Variants in HEXB observed in about 807,000 individuals in gnomAD.
HEXB encodes hexosaminidase subunit beta.
Under a neutral mutation model 71.2 loss-of-function variants are expected in HEXB, and 51 were observed. The ratio of observed to expected loss-of-function variants is 0.72; its 90% CI spans 0.57 to 0.90. The LOEUF is 0.90. HEXB is among the 40% of genes least tolerant of loss of function. The pLI, the probability that HEXB is intolerant of heterozygous loss-of-function variation, is 0.00. For missense variants in HEXB, 617 were observed against 677.0 expected (o/e 0.91, Z 0.98); for synonymous variants, 266 against 249.3 (o/e 1.07, Z -0.63).
intron 11 of HEXB, 74 bp from the exon 12 acceptor site, chr5:74,720,354 A>G (rs1749796759): frequency 8.9e-7 from 1 of 1,128,790 alleles, no homozygotes; most frequent in South Asian, 1.2e-5. Context: ...GATGGAGGAA[A>G]CAAATCTTGA....
intron 2 of HEXB, 108 bp from the exon 3 acceptor site, chr5:74,693,531 T>C: frequency 1.2e-6 from 1 of 837,264 alleles, no homozygotes; most frequent in Non-Finnish European, 2.1e-6. Flanking sequence ...GTCATGTGCT[T>C]GGGAGAAAAT....
At chr5:74,656,979 G>C (rs10942715) in intron 1 of HEXB, among the ~76,000 whole-genome samples, 68,923 of 151,896 alleles carry the variant, frequency 0.45, 17,005 homozygotes, top group East Asian at 0.63. Context: ...TTCGTTGGCT[G>C]TGCCCTCTGG....
chr5:74,669,583 C>T (rs1748495794), intron 1 of HEXB, among the ~76,000 whole-genome samples: 1 of 152,186 alleles, frequency 6.6e-6, no homozygotes, highest in South Asian at 2.1e-4. Flanking sequence ...AATTTTTACA[C>T]TGAATAGGAT....
chr5:74,713,703 AC>A, intron 7 of HEXB, 68 bp downstream of exon 7: 1 of 1,363,306 alleles, frequency 7.3e-7, no homozygotes, highest in Non-Finnish European at 1.0e-6. Flanking sequence ...TTGTTCTGTC[AC>A]CCAGGCTGGA....
At position 74,641,676 on chromosome 5, in the gene HEXB, G is replaced by A. The variant is rs1387266943; in HGVS notation, c.-377+1118G>A. Among the ~76,000 whole-genome samples, 2 of 152,228 alleles carry A rather than the reference G, an allele frequency of 1.3e-5. No homozygotes were observed. Among genetic ancestry groups the A allele is most frequent in the East Asian group, 1.9e-4 (1 of 5,202 alleles). ...CACGTTTAATAGTCCCGCGTGTCAGGAGAAGGGAAGGCGATTCGAAAAATA... is the reference window on the plus strand; with the variant it reads ...CACGTTTAATAGTCCCGCGTGTCAGAAGAAGGGAAGGCGATTCGAAAAATA... On this transcript the variant is annotated intron_variant, in intron 1 of 13. Transcript: ENST00000511181. The surrounding 1 kb of genome is among the most constrained non-coding windows in gnomAD (Gnocchi z 4.1).
At chr5:74,700,704 T>A (rs746946743) in intron 5 of HEXB, among the ~76,000 whole-genome samples, 55 of 152,114 alleles carry the variant, frequency 3.6e-4, no homozygotes, top group Admixed American at 1.2e-3. Flanking sequence ...CATTTACATT[T>A]TATTTATTTA....
chr5:74,701,549 A>G (rs1464536516), intron 5 of HEXB, among the ~76,000 whole-genome samples: 1 of 152,142 alleles, frequency 6.6e-6, no homozygotes, highest in African/African-American at 2.4e-5. Context: ...TGAAGTCATA[A>G]TCTTTACTAC....
At chr5:74,691,180 A>G (rs1748995769) in intron 2 of HEXB, among the ~76,000 whole-genome samples, 1 of 152,230 alleles carries the variant, frequency 6.6e-6, no homozygotes. Context: ...TCTTTAAACT[A>G]GTTGATGATG....
At chr5:74,699,418 GTGCC>G (rs928243543) in intron 5 of HEXB, among the ~76,000 whole-genome samples, 3 of 151,864 alleles carry the variant, frequency 2.0e-5, no homozygotes, top group Admixed American at 6.6e-5. Flanking sequence ...GGGATTACAG[GTGCC>G]CACCACCACA....
chr5:74,661,131 G>T (rs1748311757), intron 1 of HEXB, among the ~76,000 whole-genome samples: 1 of 152,192 alleles, frequency 6.6e-6, no homozygotes, highest in Non-Finnish European at 1.5e-5. Context: ...CTGCTGAGAA[G>T]TTGCCTCTCT....
intron 1 of HEXB, among the ~76,000 whole-genome samples, chr5:74,676,547 G>A (rs1407064160): frequency 2.6e-5 from 4 of 152,116 alleles, no homozygotes; most frequent in Non-Finnish European, 5.9e-5. Flanking sequence ...TGGGTGGATC[G>A]CTTCAGCCAG....
At chr5:74,677,358 T>A (rs1347797912) in intron 1 of HEXB, among the ~76,000 whole-genome samples, 1 of 152,192 alleles carries the variant, frequency 6.6e-6, no homozygotes, top group Non-Finnish European at 1.5e-5. Context: ...GTCAGACTGC[T>A]CTGAGATATT....
chr5:74,700,595 C>A (rs1007660069), intron 5 of HEXB, among the ~76,000 whole-genome samples: 1 of 151,964 alleles, frequency 6.6e-6, no homozygotes, highest in African/African-American at 2.4e-5. Context: ...CCATACTCCA[C>A]CTTATATTTA....
intron 3 of HEXB, among the ~76,000 whole-genome samples, chr5:74,695,187 AAGG>A (rs984367427): frequency 6.6e-6 from 1 of 150,832 alleles, no homozygotes; most frequent in African/African-American, 2.4e-5. Context: ...TGCGTCTGCT[AAGG>A]AGAAGAGACG....
At chr5:74,710,040 A>G (rs1263874764) in intron 6 of HEXB, among the ~76,000 whole-genome samples, 1 of 152,172 alleles carries the variant, frequency 6.6e-6, no homozygotes, top group Non-Finnish European at 1.5e-5. Context: ...AATCCTCAAT[A>G]AAATACTGGC....
rs367684271 is a variant in HEXB, at chr5:74,646,952, G to C, written c.-377+6394G>C. Among the ~76,000 whole-genome samples the C allele has an allele frequency of 1.1e-4, 16 of 152,160 alleles. No individual in the cohort carries two copies. The East Asian group carries it at 1.3e-3, about 13-fold the overall frequency. On this transcript the variant is annotated intron_variant, in intron 1 of 13. Transcript: ENST00000511181. The stretch of plus-strand genomic sequence containing the variant: ...TTTAAGAAATCACACGTTTTAAAAA[G>C]AAATAGCTAGCTATATTTAGAAGAA...
At chr5:74,715,745 G>A (rs545567399) in intron 8 of HEXB, 55 bp downstream of exon 8, 55 of 1,254,624 alleles carry the variant, frequency 4.4e-5, no homozygotes, top group Middle Eastern at 2.7e-4. Context: ...GGCTGGGTGC[G>A]GTGGCTCACG....
intron 3 of HEXB, among the ~76,000 whole-genome samples, chr5:74,695,199 C>T (rs1313330443): frequency 2.8e-5 from 4 of 144,384 alleles, no homozygotes; most frequent in Admixed American, 6.9e-5. Context: ...GGAGAAGAGA[C>T]GCTTTTTTTT....
In HEXB at chr5:74,689,319, C is replaced by T; in HGVS notation, c.300-9C>T. ...TTCTAAAATGTGTTTACATTTATTTCTCAAACAGATATCATGGCTATATTT... is the reference window on the plus strand; with the variant it reads ...TTCTAAAATGTGTTTACATTTATTTTTCAAACAGATATCATGGCTATATTT... On this transcript the variant is annotated splice_polypyrimidine_tract_variant and intron_variant, in intron 1 of 13. Transcript: ENST00000261416. 1 of 1,609,738 alleles carries T rather than the reference C, an allele frequency of 6.2e-7. No homozygotes were observed. Among genetic ancestry groups the T allele is most frequent in the African/African-American group, 1.3e-5 (1 of 74,928 alleles).
Sources: allele counts gnomAD v4.1 joint callset (sites outside exome capture counted in the v4.1 genomes callset), GRCh38; gene constraint gnomAD v4.1.1; non-coding constraint Gnocchi (gnomAD v3.1); transcripts MANE v1.5; gene names NCBI Gene and HGNC (gene_info 2026-07-23, HGNC 2026-07-21).